The following TSPAN13 variants were observed in gnomAD, a reference collection of about 807,000 sequenced individuals.
The protein encoded by TSPAN13 is tetraspanin-13.
In TSPAN13, 18 loss-of-function variants were observed where a neutral mutation model predicts 26.9. The observed-to-expected ratio is 0.67, with a 90% confidence interval of 0.46 to 0.99. TSPAN13 has a LOEUF of 0.99. TSPAN13 is among the 50% of genes least tolerant of loss of function. The probability of loss-of-function intolerance (pLI) is 0.00; values close to 1 mark genes in which losing one functional copy is unlikely to be tolerated. For synonymous variants in TSPAN13, 116 were observed against 98.4 expected, an observed-to-expected ratio of 1.18 and a Z score of -1.06; for missense variants, 201 against 249.6, an observed-to-expected ratio of 0.81 and a Z score of 1.31.
At chr7:16,782,952 A>G (rs562317374) in intron 5 of TSPAN13, among the ~76,000 whole-genome samples, 1 of 152,266 alleles carries the variant, frequency 6.6e-6, no homozygotes, top group Non-Finnish European at 1.5e-5. Flanking sequence ...TTACATCTTC[A>G]AAGCTAGGAG....
At chr7:16,764,428 A>C (rs573234226) in intron 1 of TSPAN13, among the ~76,000 whole-genome samples, 3 of 152,246 alleles carry the variant, frequency 2.0e-5, no homozygotes, top group Admixed American at 6.5e-5. Flanking sequence ...AGTGATCTCA[A>C]ATATATTAAG....
At chr7:16,783,049 G>C (rs1030128645) in intron 5 of TSPAN13, among the ~76,000 whole-genome samples, 1 of 151,948 alleles carries the variant, frequency 6.6e-6, no homozygotes, top group African/African-American at 2.4e-5. Flanking sequence ...TCCTGCCTCC[G>C]TCATATGTGT....
chr7:16,765,978 A>G (rs7790309), intron 1 of TSPAN13, among the ~76,000 whole-genome samples: 10,570 of 152,228 alleles, frequency 0.069, 1,268 homozygotes, highest in African/African-American at 0.24. Flanking sequence ...TCTCTTCACA[A>G]TTACAAACCA....
chr7:16,754,247 G>A (rs1459708323), intron 1 of TSPAN13, among the ~76,000 whole-genome samples: 1 of 152,162 alleles, frequency 6.6e-6, no homozygotes, highest in Non-Finnish European at 1.5e-5. Flanking sequence ...GTGAAGCCGC[G>A]GTCTCTCAGG....
intron 1 of TSPAN13, among the ~76,000 whole-genome samples, chr7:16,768,120 G>A (rs1487406310): frequency 6.6e-6 from 1 of 152,038 alleles, no homozygotes; most frequent in African/African-American, 2.4e-5. Flanking sequence ...TACCATGTTA[G>A]CCAGGCTGGT....
chr7:16,762,861 C>T (rs2115324528), intron 1 of TSPAN13, among the ~76,000 whole-genome samples: 1 of 152,196 alleles, frequency 6.6e-6, no homozygotes, highest in South Asian at 2.1e-4. Flanking sequence ...AAAGCCTTGT[C>T]TTTTGGGGGG....
In TSPAN13 at chr7:16,772,793, C is replaced by T. The variant is rs11772457; in HGVS notation, c.64-3418C>T. Among the ~76,000 whole-genome samples the T allele has an allele frequency of 4.9e-3, 747 of 152,016 alleles. 6 individuals are homozygous for T. Among genetic ancestry groups the T allele is most frequent in the Non-Finnish European group, 7.3e-3 (493 of 67,966 alleles). On this transcript the variant is annotated intron_variant, in intron 1 of 5. Coordinates refer to ENST00000262067, the MANE Select transcript of TSPAN13 (RefSeq NM_014399.4). ...GGTGGATCACCTGAGGTCAGGAGTT[C>T]GAGACCAGCCTGGCCAACATGGTGA...
intron 5 of TSPAN13, among the ~76,000 whole-genome samples, chr7:16,781,674 C>T (rs1022938851): frequency 6.6e-6 from 1 of 152,092 alleles, no homozygotes; most frequent in Admixed American, 6.5e-5. Context: ...TTGCTTTCTT[C>T]CCCCAAGGAC....
intron 1 of TSPAN13, among the ~76,000 whole-genome samples, chr7:16,764,327 C>T (rs534996697): frequency 2.6e-5 from 4 of 152,088 alleles, no homozygotes; most frequent in Non-Finnish European, 2.9e-5. Flanking sequence ...GCGCCTGGCT[C>T]TCTTTGTTCT....
At chr7:16,768,329 G>A (rs1483181437) in intron 1 of TSPAN13, among the ~76,000 whole-genome samples, 1 of 152,184 alleles carries the variant, frequency 6.6e-6, no homozygotes, top group East Asian at 1.9e-4. Flanking sequence ...GTAACAGGTT[G>A]GATGGTACGG....
At position 16,753,923 on chromosome 7, in the gene TSPAN13, C is replaced by T. The variant is rs201268309; in HGVS notation, c.-45C>T. 5.8e-4 allele frequency: 932 copies of T among 1,594,332 alleles called. No individual in the cohort carries two copies. Among genetic ancestry groups the T allele is most frequent in the Middle Eastern group, 4.5e-3 (27 of 6,036 alleles). On this transcript the variant is annotated 5_prime_UTR_variant, in exon 1 of 6. Transcript: ENST00000262067. ...AAAGCAGCTGTCAGGGAACCTCCGC[C>T]GGAGTCGAATTTACGTGCAGCTGCC...
intron 1 of TSPAN13, among the ~76,000 whole-genome samples, chr7:16,767,863 G>T (rs1285586026): frequency 6.6e-6 from 1 of 151,130 alleles, no homozygotes; most frequent in East Asian, 1.9e-4. Context: ...CCACTTTTCA[G>T]TTTGCTTTTT....
At chr7:16,762,270 C>T (rs752823689) in intron 1 of TSPAN13, among the ~76,000 whole-genome samples, 2 of 152,132 alleles carry the variant, frequency 1.3e-5, no homozygotes, top group Non-Finnish European at 2.9e-5. Context: ...GGGTAATGAG[C>T]AATATCATGT....
chr7:16,770,209 A>G (rs1388941626), intron 1 of TSPAN13, among the ~76,000 whole-genome samples: 1 of 147,838 alleles, frequency 6.8e-6, no homozygotes, highest in Non-Finnish European at 1.5e-5. Context: ...TTATTTTATT[A>G]TTATTATTAT....
chr7:16,773,009 A>G (rs1167114023), intron 1 of TSPAN13, among the ~76,000 whole-genome samples: 1 of 152,062 alleles, frequency 6.6e-6, no homozygotes, highest in Non-Finnish European at 1.5e-5. Context: ...AAAATAAAAT[A>G]AAATAAAAAA....
At chr7:16,781,736 A>G (rs549549730) in intron 5 of TSPAN13, among the ~76,000 whole-genome samples, 1 of 152,348 alleles carries the variant, frequency 6.6e-6, no homozygotes, top group African/African-American at 2.4e-5. Context: ...AAATGTTAAC[A>G]TCCTCAAAAA....
At chr7:16,769,280 A>G (rs706060) in intron 1 of TSPAN13, among the ~76,000 whole-genome samples, 2,305 of 152,328 alleles carry the variant, frequency 0.015, 64 homozygotes, top group African/African-American at 0.053. Context: ...AACAACAACA[A>G]GGGTGGCATT....
At position 16,776,193 on chromosome 7, in the gene TSPAN13, C is replaced by G. The variant is rs1347511026; in HGVS notation, c.64-18C>G. On this transcript the variant is annotated intron_variant, in intron 1 of 5. Transcript: ENST00000262067. ...CTCTCTCTCGTCCTCTACCCCTGCCCCCTGGGTGTTTTTGCAGTTGGTTAG... is the reference window on the plus strand; with the variant it reads ...CTCTCTCTCGTCCTCTACCCCTGCCGCCTGGGTGTTTTTGCAGTTGGTTAG... The G allele has an allele frequency of 1.9e-6, 3 of 1,611,712 alleles. No homozygotes were observed. The highest frequency in any genetic ancestry group is 1.7e-6 in the Non-Finnish European group (2 of 1,178,306).
In TSPAN13 at chr7:16,779,794, T is replaced by TG. The variant is rs1483604570; in HGVS notation, c.540+680dup. 4.0e-5 allele frequency among the ~76,000 whole-genome samples: 6 copies of TG among 148,736 alleles called. No individual in the cohort carries two copies. The Admixed American group carries it at 4.1e-4, about 10-fold the overall frequency. ...TAATATTCTTTTTTTTTTTTTGAGA[T>TG]GGAGTCTTGCTCTGTCACCCAGGCT... On this transcript the variant is annotated intron_variant, in intron 5 of 5. Coordinates refer to ENST00000262067, the MANE Select transcript of TSPAN13 (RefSeq NM_014399.4).
Sources: allele counts gnomAD v4.1 joint callset (sites outside exome capture counted in the v4.1 genomes callset), GRCh38; gene constraint gnomAD v4.1.1; transcripts MANE v1.5; gene names NCBI Gene and HGNC (gene_info 2026-07-23, HGNC 2026-07-21).